HYAL4: variants seen among roughly 807,000 people sequenced by gnomAD.
HYAL4 encodes the protein hyaluronidase-4.
Under a neutral mutation model 35.2 loss-of-function variants are expected in HYAL4, and 37 were observed. The ratio of observed to expected loss-of-function variants is 1.05; its 90% confidence interval spans 0.81 to 1.38. The LOEUF (loss-of-function observed/expected upper bound fraction) is 1.38. Among genes scored for constraint, HYAL4 ranks in the 40% most tolerant of loss-of-function variants. The probability of loss-of-function intolerance (pLI) is 0.00; values close to 1 mark genes in which losing one functional copy is unlikely to be tolerated. For missense variants in HYAL4, 572 were observed against 572.4 expected (o/e 1.00, Z 0.01); for synonymous variants, 198 against 203.2 (o/e 0.97, Z 0.22).
At chr7:123,799,000 C>G in the HYAL4 span, among the ~76,000 whole-genome samples, 2 of 152,120 alleles carry the variant, frequency 1.3e-5, no homozygotes, top group Admixed American at 1.3e-4. Context: ...GTGCCATGAT[C>G]TGACTTAAGA....
Position 123,868,667 on chromosome 7 carries a change from T to C in HYAL4, c.394T>C (p.Tyr132His), listed in dbSNP as rs760191550. The C allele has an allele frequency of 1.2e-5, 19 of 1,613,704 alleles. No individual in the cohort carries two copies. In the Admixed American group the frequency reaches 3.0e-4, roughly 26 times the overall value. ...LEKADQDINYYIPAEDFSGLA... is the reference protein window; with the variant it reads ...LEKADQDINYHIPAEDFSGLA... ...AAAAGCTGACCAAGATATTAATTAT[T>C]ACATCCCTGCTGAAGATTTCAGTGG... The change falls in exon 3 of 5, where the codon TAC becomes CAC. Residue 132 changes from tyrosine (Y) to histidine (H), a missense_variant. Physicochemically the swap from Tyr to His is moderately conservative, Grantham distance 83 (BLOSUM62 2). Coordinates refer to ENST00000223026, the MANE Select transcript of HYAL4 (RefSeq NM_012269.3).
the HYAL4 span, among the ~76,000 whole-genome samples, chr7:123,807,914 A>ATTATTATT: frequency 1.2e-4 from 17 of 136,554 alleles, no homozygotes; most frequent in Middle Eastern, 3.7e-3. Context: ...TTAGCTGGAT[A>ATTATTATT]ATTATTATTA....
chr7:123,858,865 C>T (rs1417979271), intron 2 of HYAL4, among the ~76,000 whole-genome samples: 1 of 152,126 alleles, frequency 6.6e-6, no homozygotes, highest in African/African-American at 2.4e-5. Flanking sequence ...AGATTTTAAC[C>T]TGCACTCTTA....
intron 3 of HYAL4, among the ~76,000 whole-genome samples, chr7:123,874,453 G>A (rs1806957099): frequency 6.6e-6 from 1 of 152,052 alleles, no homozygotes; most frequent in African/African-American, 2.4e-5. Context: ...ATCTAGGCTG[G>A]AGTGCAATGG....
the HYAL4 span, among the ~76,000 whole-genome samples, chr7:123,781,872 C>G: frequency 4.6e-5 from 7 of 152,108 alleles, no homozygotes; most frequent in Admixed American, 3.9e-4. Context: ...CAGTGCTAGT[C>G]TAGAACCTGG....
intron 1 of HYAL4, among the ~76,000 whole-genome samples, chr7:123,830,598 C>T (rs983891422): frequency 1.3e-5 from 2 of 152,138 alleles, no homozygotes; most frequent in African/African-American, 4.8e-5. Context: ...CTGTTTTTCC[C>T]AGTCTCTTAC....
At chr7:123,823,760 C>A in the HYAL4 span, among the ~76,000 whole-genome samples, 1 of 148,596 alleles carries the variant, frequency 6.7e-6, no homozygotes, top group African/African-American at 2.5e-5. Flanking sequence ...CACACACACA[C>A]ATATATTTAT....
chr7:123,770,410 C>G, the HYAL4 span, among the ~76,000 whole-genome samples: 2 of 147,596 alleles, frequency 1.4e-5, no homozygotes, highest in Non-Finnish European at 3.0e-5. Flanking sequence ...CCACTGCACT[C>G]AAGCCTGGGC....
chr7:123,792,584 A>G, the HYAL4 span, among the ~76,000 whole-genome samples: 1 of 152,172 alleles, frequency 6.6e-6, no homozygotes. Flanking sequence ...GTCTTTTAGT[A>G]GAAGCCCCTC....
chr7:123,876,696 C>G, intron 4 of HYAL4, 58 bp from the exon 5 acceptor site: 1 of 1,539,530 alleles, frequency 6.5e-7, no homozygotes, highest in Non-Finnish European at 8.8e-7. Context: ...AAATCGATTT[C>G]TTTGTACATT....
chr7:123,868,760 T>A lies in HYAL4; in HGVS notation c.487T>A (p.Tyr163Asn). Residue 163 changes from tyrosine (Y) to asparagine (N), a missense_variant, in exon 3 of 5, where the codon TAC (tyrosine) becomes AAC (asparagine). Coordinates refer to ENST00000223026, the MANE Select transcript of HYAL4 (RefSeq NM_012269.3). ...CCGGAACTGGAACTCAAAAGATGTT[T>A]ACAGACAGAAGTCAAGAAAGCTTAT... is the stretch of plus-strand genomic sequence containing the variant. Reference protein sequence around the residue: ...WARNWNSKDVYRQKSRKLISD... With the variant: ...WARNWNSKDVNRQKSRKLISD... 2 of 1,614,176 alleles carry A rather than the reference T, an allele frequency of 1.2e-6. No homozygotes were observed. The highest frequency in any genetic ancestry group is 1.7e-6 in the Non-Finnish European group (2 of 1,180,028).
At chr7:123,817,375 T>A in the HYAL4 span, among the ~76,000 whole-genome samples, 1 of 152,186 alleles carries the variant, frequency 6.6e-6, no homozygotes, top group African/African-American at 2.4e-5. Flanking sequence ...CTCTTCAATC[T>A]ATTCCCTCTG....
At chr7:123,807,120 A>C in the HYAL4 span, among the ~76,000 whole-genome samples, 1 of 152,206 alleles carries the variant, frequency 6.6e-6, no homozygotes, top group South Asian at 2.1e-4. Context: ...TATAAACCTC[A>C]TAGACTTTTT....
Position 123,877,022 on chromosome 7 carries a change from A to T in HYAL4, c.1313A>T (p.Tyr438Phe). The change falls in exon 5 of 5, where the codon TAT becomes TTT. Residue 438 changes from tyrosine (Y) to phenylalanine (F), a missense_variant. Coordinates refer to ENST00000223026, the MANE Select transcript of HYAL4 (RefSeq NM_012269.3). ...VMADTFSCHC[Y>F]QGYEGADCRE... ...GCAGATACATTTTCCTGTCATTGTTATCAGGGATATGAAGGAGCTGATTGC... is the reference window on the plus strand; with the variant it reads ...GCAGATACATTTTCCTGTCATTGTTTTCAGGGATATGAAGGAGCTGATTGC... 1 of 1,614,230 alleles carries T rather than the reference A, an allele frequency of 6.2e-7. No individual in the cohort carries two copies. The highest frequency in any genetic ancestry group is 8.5e-7 in the Non-Finnish European group (1 of 1,180,030).
chr7:123,774,829 C>T, the HYAL4 span, among the ~76,000 whole-genome samples: 1 of 152,224 alleles, frequency 6.6e-6, no homozygotes, highest in African/African-American at 2.4e-5. Flanking sequence ...CTCTCACCTT[C>T]TTTGCCATGC....
At chr7:123,785,816 T>C in the HYAL4 span, among the ~76,000 whole-genome samples, 1 of 152,160 alleles carries the variant, frequency 6.6e-6, no homozygotes. The surrounding 1 kb of genome is among the most constrained non-coding windows in gnomAD (Gnocchi z 4.5). Context: ...ATAAAAATGC[T>C]ACCCAGCCCT....
chr7:123,778,457 A>G, the HYAL4 span, among the ~76,000 whole-genome samples: 1 of 152,088 alleles, frequency 6.6e-6, no homozygotes, highest in Non-Finnish European at 1.5e-5. Context: ...GTTTCCTGTA[A>G]TCAAGAACAG....
At chr7:123,791,209 A>G in the HYAL4 span, among the ~76,000 whole-genome samples, 3 of 152,198 alleles carry the variant, frequency 2.0e-5, no homozygotes, top group Admixed American at 2.0e-4. Flanking sequence ...AGTGTTTTTC[A>G]TAAAGCTGGG....
the HYAL4 span, among the ~76,000 whole-genome samples, chr7:123,803,844 C>A: frequency 1.3e-5 from 2 of 152,122 alleles, no homozygotes; most frequent in Non-Finnish European, 1.5e-5. Context: ...ATCTGGAGTC[C>A]CTTTGCAATT....
Sources: gnomAD v4.1 joint callset for allele counts (sites outside exome capture counted in the v4.1 genomes callset) on GRCh38, gnomAD v4.1.1 for gene constraint, Gnocchi (gnomAD v3.1) non-coding constraint, MANE v1.5 for transcripts, NCBI Gene and HGNC (gene_info 2026-07-23, HGNC 2026-07-21) for gene names.